CADPS: variants seen among roughly 807,000 people sequenced by gnomAD.
The protein encoded by CADPS is calcium-dependent secretion activator 1.
Under a neutral mutation model 167.3 loss-of-function variants are expected in CADPS, and 57 were observed. That is an observed-to-expected ratio of 0.34 (90% CI 0.28 to 0.42). The LOEUF (loss-of-function observed/expected upper bound fraction) is 0.42, where lower values mean the gene tolerates loss of function less well. Ranked by LOEUF, CADPS falls within the 20% of genes least tolerant of loss-of-function variation. The probability of loss-of-function intolerance (pLI) is 1.00; values close to 1 mark genes in which losing one functional copy is unlikely to be tolerated. For synonymous variants in CADPS, 676 were observed against 635.3 expected (o/e 1.06, Z -0.96); for missense variants, 1,414 against 1,738.1 (o/e 0.81, Z 3.32).
intron 1 of CADPS, among the ~76,000 whole-genome samples, chr3:62,835,303 C>A (rs2075736583): frequency 6.6e-6 from 1 of 152,110 alleles, no homozygotes; most frequent in Non-Finnish European, 1.5e-5. Context: ...AATCAGGGAA[C>A]AACAGGGAGA....
chr3:62,777,670 GTATTTTCTGCTCAA>G lies in CADPS; in HGVS notation c.442-11700_442-11687del, dbSNP rs1357183295. ...ATACGGAGTATACGGGAACTCTTCTGTATTTTCTGCTCAATTTTTTTATAAACCTAAAACTCCTC... is the reference window on the plus strand; with the variant it reads ...ATACGGAGTATACGGGAACTCTTCTGTTTTTTTATAAACCTAAAACTCCTC... On this transcript the variant is annotated intron_variant, in intron 1 of 29. Coordinates refer to ENST00000383710, the MANE Select transcript of CADPS (RefSeq NM_003716.4). Among the ~76,000 whole-genome samples the G allele has an allele frequency of 3.9e-5, 6 of 152,160 alleles. No individual in the cohort carries two copies. The East Asian group carries it at 1.2e-3, about 29-fold the overall frequency.
At chr3:62,545,769 G>C (rs559244075) in intron 11 of CADPS, among the ~76,000 whole-genome samples, 17 of 152,178 alleles carry the variant, frequency 1.1e-4, no homozygotes, top group East Asian at 7.7e-4. Flanking sequence ...TTACTCCCAA[G>C]TTTTCCAAAC....
At chr3:62,477,553 T>G (rs2061483784) in intron 23 of CADPS, among the ~76,000 whole-genome samples, 1 of 152,206 alleles carries the variant, frequency 6.6e-6, no homozygotes, top group South Asian at 2.1e-4. Flanking sequence ...AAATGATGTT[T>G]GCTGAATGGA....
chr3:62,406,605 C>A (rs1708590607), intron 28 of CADPS, among the ~76,000 whole-genome samples: 1 of 152,180 alleles, frequency 6.6e-6, no homozygotes, highest in Non-Finnish European at 1.5e-5. Flanking sequence ...TACTCCTTTA[C>A]TGCCTCCCTT....
At chr3:62,845,278 GCTCACATC>G (rs2153065750) in intron 1 of CADPS, among the ~76,000 whole-genome samples, 1 of 152,228 alleles carries the variant, frequency 6.6e-6, no homozygotes, top group Admixed American at 6.5e-5. Context: ...ATATCCCAAG[GCTCACATC>G]ATCACGATTT....
intron 6 of CADPS, among the ~76,000 whole-genome samples, chr3:62,614,617 G>C (rs2061981800): frequency 6.6e-6 from 1 of 152,204 alleles, no homozygotes; most frequent in African/African-American, 2.4e-5. Flanking sequence ...TGTGATCCCT[G>C]TTGAAGGGAA....
chr3:62,846,122 C>T (rs1223386179), intron 1 of CADPS, among the ~76,000 whole-genome samples: 4 of 151,874 alleles, frequency 2.6e-5, no homozygotes, highest in Admixed American at 2.6e-4. Flanking sequence ...CCCATTCTCC[C>T]TTCTACCATG....
chr3:62,565,216 C>T (rs2079929279), intron 9 of CADPS, among the ~76,000 whole-genome samples: 1 of 152,144 alleles, frequency 6.6e-6, no homozygotes, highest in Non-Finnish European at 1.5e-5. Context: ...GCCCATTTCC[C>T]CTTGATCTCT....
intron 28 of CADPS, among the ~76,000 whole-genome samples, chr3:62,422,257 G>A (rs1045965604): frequency 1.7e-4 from 26 of 152,028 alleles, no homozygotes; most frequent in Non-Finnish European, 1.2e-4. Flanking sequence ...TAAACGGTAC[G>A]CAGTGCTGAC....
chr3:62,405,952 G>C (rs921659333), intron 28 of CADPS, among the ~76,000 whole-genome samples: 3 of 152,184 alleles, frequency 2.0e-5, no homozygotes, highest in Admixed American at 2.0e-4. Flanking sequence ...AGGTACAGGG[G>C]ATCTTCCACG....
intron 1 of CADPS, among the ~76,000 whole-genome samples, chr3:62,820,795 G>GTTTTTTTTTTTTT (rs5849504): frequency 4.3e-5 from 6 of 137,994 alleles, no homozygotes; most frequent in African/African-American, 1.7e-4. Context: ...CTTTTTTTTG[G>GTTTTTTTTTTTTT]TTTTTTTTTT....
At chr3:62,402,310 C>G (rs1471518827) in intron 29 of CADPS, among the ~76,000 whole-genome samples, 1 of 150,892 alleles carries the variant, frequency 6.6e-6, no homozygotes, top group African/African-American at 2.4e-5. Context: ...AGACATTCAG[C>G]TACATTTATT....
chr3:62,525,117 G>C (rs2071733220), intron 13 of CADPS, among the ~76,000 whole-genome samples: 1 of 152,026 alleles, frequency 6.6e-6, no homozygotes, highest in East Asian at 1.9e-4. Context: ...GGAATTTTAA[G>C]AGGAAAAACA....
In CADPS at chr3:62,753,430, A is replaced by G; in HGVS notation, c.888+11T>C. 1 of 1,597,418 alleles carries G rather than the reference A, an allele frequency of 6.3e-7. No individual in the cohort carries two copies. The highest frequency in any genetic ancestry group is 8.6e-7 in the Non-Finnish European group (1 of 1,168,152). Reference sequence around the variant, plus strand: ...ACCCACAGCTCTAGGCCCAGGCGAGAAACACCTTACCTGGCAGGCATTGTA... The same window carrying G: ...ACCCACAGCTCTAGGCCCAGGCGAGGAACACCTTACCTGGCAGGCATTGTA... On this transcript the variant is annotated intron_variant, in intron 3 of 29. Coordinates refer to ENST00000383710, the MANE Select transcript of CADPS (RefSeq NM_003716.4). The surrounding 1 kb of genome is among the most constrained non-coding windows in gnomAD (Gnocchi z 4.6).
rs183585040 is a variant in CADPS at position 62,505,441 on chromosome 3, A to G, written c.2600-6173T>C. ...ACCTCCAAAATGTCTCTTATCTCACACCGTACTAGATCACGTGCTTATCCA... is the reference window on the plus strand; with the variant it reads ...ACCTCCAAAATGTCTCTTATCTCACGCCGTACTAGATCACGTGCTTATCCA... On this transcript the variant is annotated intron_variant, in intron 17 of 29. Coordinates refer to ENST00000383710, the MANE Select transcript of CADPS (RefSeq NM_003716.4). 1.3e-3 allele frequency among the ~76,000 whole-genome samples: 194 copies of G among 152,080 alleles called. 1 individual carries two copies. Among genetic ancestry groups the G allele is most frequent in the Non-Finnish European group, 1.6e-3 (108 of 68,002 alleles).
At chr3:62,799,747 T>C (rs2093654678) in intron 1 of CADPS, among the ~76,000 whole-genome samples, 1 of 152,166 alleles carries the variant, frequency 6.6e-6, no homozygotes. Context: ...TGCAAAGGGC[T>C]TGATTATGCC....
chr3:62,592,858 G>A (rs1364910284), intron 6 of CADPS, 110 bp from the exon 7 acceptor site: 2 of 651,870 alleles, frequency 3.1e-6, no homozygotes, highest in Admixed American at 2.7e-5. Flanking sequence ...GGCAGCATTA[G>A]CTGTCACATC....
intron 13 of CADPS, among the ~76,000 whole-genome samples, chr3:62,531,194 T>G (rs1249570676): frequency 6.7e-6 from 1 of 148,594 alleles, no homozygotes; most frequent in Non-Finnish European, 1.5e-5. Flanking sequence ...TAGAATACAG[T>G]GTGACAACCC....
At chr3:62,768,304 A>G (rs1450972717) in intron 1 of CADPS, among the ~76,000 whole-genome samples, 1 of 152,154 alleles carries the variant, frequency 6.6e-6, no homozygotes, top group Non-Finnish European at 1.5e-5. Context: ...ATCTCACAGG[A>G]TTTCTTGCTC....
Sources: allele counts gnomAD v4.1 joint callset (sites outside exome capture counted in the v4.1 genomes callset), GRCh38; gene constraint gnomAD v4.1.1; non-coding constraint Gnocchi (gnomAD v3.1); transcripts MANE v1.5; gene names NCBI Gene and HGNC (gene_info 2026-07-23, HGNC 2026-07-21).